ATP8A1: variants seen among roughly 807,000 people sequenced by gnomAD.
The protein encoded by ATP8A1 is phospholipid-transporting ATPase IA.
In ATP8A1, 90 loss-of-function variants were observed where a neutral mutation model predicts 177.7. That is an observed-to-expected ratio of 0.51 (90% CI 0.43 to 0.60). The LOEUF (loss-of-function observed/expected upper bound fraction) is 0.60. Among genes scored for constraint, ATP8A1 ranks in the 20% least tolerant of loss-of-function variants. ATP8A1 has a pLI of 0.00. For missense variants in ATP8A1, 1,072 were observed against 1,392.8 expected (o/e 0.77, Z 3.67); for synonymous variants, 493 against 485.9 (o/e 1.01, Z -0.19).
At chr4:42,523,330 C>T (rs1726337707) in intron 21 of ATP8A1, among the ~76,000 whole-genome samples, 1 of 152,094 alleles carries the variant, frequency 6.6e-6, no homozygotes, top group Admixed American at 6.5e-5. Context: ...AAGACAACGC[C>T]CTCACTCCAG....
intron 5 of ATP8A1, among the ~76,000 whole-genome samples, chr4:42,606,213 C>T (rs943588120): frequency 1.3e-5 from 2 of 152,144 alleles, no homozygotes; most frequent in African/African-American, 2.4e-5. Context: ...AGGATGTATT[C>T]ACAGAAGACT....
At chr4:42,605,078 T>G (rs1001062479) in intron 5 of ATP8A1, among the ~76,000 whole-genome samples, 1 of 152,214 alleles carries the variant, frequency 6.6e-6, no homozygotes, top group African/African-American at 2.4e-5. Flanking sequence ...GAAAATGTTC[T>G]AGAATTAAGG....
intron 33 of ATP8A1, among the ~76,000 whole-genome samples, chr4:42,431,338 A>AT (rs978137074): frequency 6.0e-5 from 9 of 151,196 alleles, no homozygotes; most frequent in South Asian, 4.2e-4. Flanking sequence ...GAGAAGGTGT[A>AT]TTTTTTTTTG....
At chr4:42,560,312 G>C (rs1730686841) in intron 15 of ATP8A1, among the ~76,000 whole-genome samples, 1 of 152,078 alleles carries the variant, frequency 6.6e-6, no homozygotes, top group Admixed American at 6.6e-5. Flanking sequence ...CTAAGACAGG[G>C]AGGGGATCAA....
intron 10 of ATP8A1, among the ~76,000 whole-genome samples, chr4:42,581,062 C>A (rs916297989): frequency 6.6e-6 from 1 of 152,172 alleles, no homozygotes; most frequent in African/African-American, 2.4e-5. Flanking sequence ...TAGACCCATA[C>A]ACAAAATTCT....
intron 35 of ATP8A1, among the ~76,000 whole-genome samples, chr4:42,419,588 C>G (rs1577893545): frequency 6.6e-6 from 1 of 152,270 alleles, no homozygotes; most frequent in East Asian, 1.9e-4. Context: ...AACAGGGGAA[C>G]AGCAAATGCA....
intron 1 of ATP8A1, among the ~76,000 whole-genome samples, chr4:42,639,286 T>G (rs534192107): frequency 4.6e-5 from 7 of 152,296 alleles, no homozygotes; most frequent in Non-Finnish European, 7.4e-5. Context: ...TATTAACAGA[T>G]GCACAGACAT....
Position 42,503,458 on chromosome 4 carries a change from A to G in ATP8A1, c.2143T>C (p.Ser715Pro). 6.3e-7 allele frequency: 1 copy of G among 1,599,612 alleles called. No homozygotes were observed. Among genetic ancestry groups the G allele is most frequent in the South Asian group, 1.1e-5 (1 of 90,066 alleles). Residue 715 changes from serine (S) to proline (P), a missense_variant, in exon 24 of 37, where the codon TCT (serine) becomes CCT (proline). Around this residue, in one of 5 missense-constraint regions of ATP8A1, gnomAD observed 388 missense variants for 471.7 expected, o/e 0.82. Coordinates refer to ENST00000381668, the MANE Select transcript of ATP8A1 (RefSeq NM_006095.2). ...NMGMIVINEG[S>P]LDGTRETLSR... is the part of the protein sequence containing the mutation. ...TACATAATTTTACTTACATCAAGAGAGCCTTCATTTATAACAATCATTCCC... is the reference window on the plus strand; with the variant it reads ...TACATAATTTTACTTACATCAAGAGGGCCTTCATTTATAACAATCATTCCC...
At chr4:42,503,593 T>C (rs1011436926) in intron 23 of ATP8A1, 79 bp from the exon 24 acceptor site, 18 of 904,478 alleles carry the variant, frequency 2.0e-5, no homozygotes, top group Admixed American at 5.2e-5. Flanking sequence ...ATATGTACTA[T>C]GAAAATATCT....
intron 1 of ATP8A1, among the ~76,000 whole-genome samples, chr4:42,654,817 C>T (rs1022118738): frequency 2.0e-5 from 3 of 152,202 alleles, no homozygotes; most frequent in Admixed American, 6.5e-5. Context: ...GCCAAAAAGG[C>T]TGCAGTTCAG....
intron 5 of ATP8A1, among the ~76,000 whole-genome samples, chr4:42,606,835 A>C (rs1455930762): frequency 2.0e-5 from 3 of 152,174 alleles, no homozygotes; most frequent in Admixed American, 6.5e-5. Flanking sequence ...GGGGCATTTG[A>C]GTTTGTAATT....
intron 33 of ATP8A1, among the ~76,000 whole-genome samples, chr4:42,439,364 T>C (rs1423013589): frequency 6.6e-6 from 1 of 152,238 alleles, no homozygotes; most frequent in Non-Finnish European, 1.5e-5. Context: ...GTTCTGCTGC[T>C]GAAAATCTTC....
At chr4:42,472,494 A>C in intron 25 of ATP8A1, 1 of 272,082 alleles carries the variant, frequency 3.7e-6, no homozygotes, top group Admixed American at 4.6e-5. Flanking sequence ...CACGCCTGTA[A>C]TCCCAGCACT....
At chr4:42,463,833 C>A (rs554203716) in intron 27 of ATP8A1, among the ~76,000 whole-genome samples, 2 of 152,078 alleles carry the variant, frequency 1.3e-5, no homozygotes, top group Non-Finnish European at 2.9e-5. Context: ...TCACCAAACA[C>A]GGAAACAAAA....
At chr4:42,483,535 G>A (rs1229106462) in intron 25 of ATP8A1, among the ~76,000 whole-genome samples, 1 of 152,104 alleles carries the variant, frequency 6.6e-6, no homozygotes, top group Non-Finnish European at 1.5e-5. Flanking sequence ...TGCACGGCAG[G>A]GTGTGATTCC....
intron 33 of ATP8A1, among the ~76,000 whole-genome samples, chr4:42,436,311 T>G (rs1197930702): frequency 2.7e-5 from 2 of 73,210 alleles, no homozygotes. Flanking sequence ...CTGGCACACA[T>G]TAGACGCTCG....
In ATP8A1 at chr4:42,569,356, T is replaced by C. The variant is rs1216632330; in HGVS notation, c.1296-151A>G. On this transcript the variant is annotated intron_variant, in intron 14 of 36. Coordinates refer to ENST00000381668, the MANE Select transcript of ATP8A1 (RefSeq NM_006095.2). ...TAGTTGAATCTGAAAGAATGGCAGT[T>C]AGTACAGCAAATAGAACATAATGAT... is the stretch of plus-strand genomic sequence containing the variant. 7 of 487,128 alleles carry C rather than the reference T, an allele frequency of 1.4e-5. No individual in the cohort carries two copies. The East Asian group carries it at 2.6e-4, about 18-fold the overall frequency. 30.2% of individuals were successfully genotyped at this position (487,128 alleles called of 1,614,324 possible).
chr4:42,589,780 C>T lies in ATP8A1; in HGVS notation c.524+1031G>A, dbSNP rs374935202. Reference sequence around the variant, plus strand: ...AAACACACCTGATAATATAGAAGCACGATGACAAAGAAAATACTAAATGAC... The same window carrying T: ...AAACACACCTGATAATATAGAAGCATGATGACAAAGAAAATACTAAATGAC... On this transcript the variant is annotated intron_variant, in intron 7 of 36. Coordinates refer to ENST00000381668, the MANE Select transcript of ATP8A1 (RefSeq NM_006095.2). Among the ~76,000 whole-genome samples, 8 of 151,536 alleles carry T rather than the reference C, an allele frequency of 5.3e-5. No homozygotes were observed. In the East Asian group the frequency reaches 1.4e-3, roughly 26 times the overall value.
intron 20 of ATP8A1, among the ~76,000 whole-genome samples, chr4:42,527,277 A>T (rs1321039150): frequency 6.6e-6 from 1 of 152,228 alleles, no homozygotes; most frequent in Non-Finnish European, 1.5e-5. Flanking sequence ...GTGCATGCGT[A>T]GCCTCAACAG....
Sources: allele counts gnomAD v4.1 joint callset (sites outside exome capture counted in the v4.1 genomes callset), GRCh38; gene constraint gnomAD v4.1.1; regional missense constraint gnomAD v4.1.1; transcripts MANE v1.5; gene names NCBI Gene and HGNC (gene_info 2026-07-23, HGNC 2026-07-21).